CHRM2: variants seen among roughly 807,000 people sequenced by gnomAD.
CHRM2 encodes muscarinic acetylcholine receptor M2.
In CHRM2, 8 loss-of-function variants were observed where a neutral mutation model predicts 25.0. That is an observed-to-expected ratio of 0.32 (90% CI 0.19 to 0.58). The LOEUF is 0.58. Ranked by LOEUF, CHRM2 falls within the 20% of genes least tolerant of loss-of-function variation. The pLI, the probability that CHRM2 is intolerant of heterozygous loss-of-function variation, is 0.88. For synonymous variants in CHRM2, 202 were observed against 205.7 expected, an observed-to-expected ratio of 0.98 and a Z score of 0.15; for missense variants, 440 against 567.1, an observed-to-expected ratio of 0.78 and a Z score of 2.28.
intron 2 of CHRM2, among the ~76,000 whole-genome samples, chr7:136,933,715 TA>T: frequency 1.3e-5 from 2 of 152,182 alleles, no homozygotes; most frequent in Admixed American, 1.3e-4. Flanking sequence ...GATATTTCCA[TA>T]AAATGGAATA....
intron 2 of CHRM2, among the ~76,000 whole-genome samples, chr7:136,903,708 TTTTA>T (rs1193743139): frequency 6.6e-6 from 1 of 151,902 alleles, no homozygotes; most frequent in Non-Finnish European, 1.5e-5. Context: ...TATTTCTCAT[TTTTA>T]TTTATATCTT....
At chr7:137,009,403 T>A (rs1041960631) in intron 3 of CHRM2, among the ~76,000 whole-genome samples, 6 of 152,100 alleles carry the variant, frequency 3.9e-5, no homozygotes, top group Non-Finnish European at 5.9e-5. Flanking sequence ...TTAAGACAAT[T>A]TTTTGAATCT....
chr7:136,876,327 A>G (rs1796051628), intron 2 of CHRM2, among the ~76,000 whole-genome samples: 1 of 152,160 alleles, frequency 6.6e-6, no homozygotes, highest in Admixed American at 6.5e-5. Context: ...TGTTAGGGAT[A>G]CAGATGACGT....
At chr7:136,898,474 ACTATTC>A (rs1797021862) in intron 2 of CHRM2, among the ~76,000 whole-genome samples, 1 of 151,412 alleles carries the variant, frequency 6.6e-6, no homozygotes, top group Admixed American at 6.6e-5. Flanking sequence ...CTGTGAATTG[ACTATTC>A]AATTGCATGC....
intron 2 of CHRM2, among the ~76,000 whole-genome samples, chr7:136,923,532 C>CTTCTTAGAAAGAA (rs1441426276): frequency 1.3e-5 from 2 of 152,044 alleles, no homozygotes; most frequent in Non-Finnish European, 2.9e-5. Context: ...AGTTGAGTAG[C>CTTCTTAGAAAGAA]TTCTTAGAAA....
intron 2 of CHRM2, among the ~76,000 whole-genome samples, chr7:136,952,638 C>T (rs967320859): frequency 4.6e-5 from 7 of 151,894 alleles, no homozygotes; most frequent in Admixed American, 1.3e-4. Flanking sequence ...ACTTGTGTCA[C>T]GGGGGTTCAC....
intron 3 of CHRM2, among the ~76,000 whole-genome samples, chr7:137,008,360 A>G (rs1156759294): frequency 6.6e-6 from 1 of 152,052 alleles, no homozygotes; most frequent in Non-Finnish European, 1.5e-5. Context: ...AATAATTTGT[A>G]CTGAAAGCTA....
In CHRM2 at chr7:137,017,190, G is replaced by A. The variant is rs1257555924; in HGVS notation, c.*924G>A. The A allele has an allele frequency of 6.6e-6, 1 of 151,810 alleles. No homozygotes were observed. The highest frequency in any genetic ancestry group is 1.5e-5 in the Non-Finnish European group (1 of 67,902). 9.4% of individuals were successfully genotyped at this position (151,810 alleles called of 1,614,324 possible). ...ACATAAACCTGTTTAAGAAACCATC[G>A]TCACTGTAAAGTTGAGGTTTCATCA... On this transcript the variant is annotated 3_prime_UTR_variant, in exon 4 of 4. Transcript: ENST00000680005.
At chr7:136,872,663 C>T (rs1365261792) in intron 2 of CHRM2, among the ~76,000 whole-genome samples, 1 of 152,168 alleles carries the variant, frequency 6.6e-6, no homozygotes, top group African/African-American at 2.4e-5. Flanking sequence ...GCATGAATGA[C>T]ACTGTCTTCA....
At chr7:136,983,189 G>C (rs1197454725) in intron 2 of CHRM2, among the ~76,000 whole-genome samples, 1 of 151,528 alleles carries the variant, frequency 6.6e-6, no homozygotes, top group Non-Finnish European at 1.5e-5. Context: ...TTTTTATTAA[G>C]TTGATCTTCA....
intron 3 of CHRM2, among the ~76,000 whole-genome samples, chr7:136,998,241 A>T (rs1465262867): frequency 5.3e-5 from 8 of 152,180 alleles, no homozygotes. Flanking sequence ...TGCATGGATG[A>T]AGGGTCACAG....
At chr7:136,997,594 C>A (rs1803691149) in intron 3 of CHRM2, among the ~76,000 whole-genome samples, 1 of 152,148 alleles carries the variant, frequency 6.6e-6, no homozygotes, top group Non-Finnish European at 1.5e-5. Context: ...AAAGATACAG[C>A]ATCTTTGAGA....
chr7:136,909,944 A>T (rs1335662593), intron 2 of CHRM2, among the ~76,000 whole-genome samples: 3 of 151,772 alleles, frequency 2.0e-5, no homozygotes, highest in Non-Finnish European at 4.4e-5. Flanking sequence ...TATTGGTTGG[A>T]TACATTTTTC....
At chr7:136,900,716 T>A (rs1017118835) in intron 2 of CHRM2, among the ~76,000 whole-genome samples, 34 of 152,114 alleles carry the variant, frequency 2.2e-4, no homozygotes, top group East Asian at 3.9e-4. Flanking sequence ...ATCTTTTTTT[T>A]AAAAAAAGAA....
intron 2 of CHRM2, among the ~76,000 whole-genome samples, chr7:136,962,258 A>G (rs1316997795): frequency 6.8e-5 from 2 of 29,406 alleles, no homozygotes; most frequent in Non-Finnish European, 1.0e-4. Flanking sequence ...TCAGCCTCCC[A>G]AGTAGCTGGG....
intron 2 of CHRM2, among the ~76,000 whole-genome samples, chr7:136,984,895 T>A (rs769168841): frequency 1.3e-5 from 2 of 152,142 alleles, no homozygotes; most frequent in Non-Finnish European, 2.9e-5. Flanking sequence ...TATTCAGCTA[T>A]CTTGCTCAGG....
At chr7:136,886,342 G>A (rs758527372) in intron 2 of CHRM2, among the ~76,000 whole-genome samples, 5 of 152,198 alleles carry the variant, frequency 3.3e-5, no homozygotes. Flanking sequence ...TGGGTAAACA[G>A]TAGGCTCATT....
intron 2 of CHRM2, among the ~76,000 whole-genome samples, chr7:136,940,654 G>T (rs1454194451): frequency 6.6e-6 from 1 of 152,132 alleles, no homozygotes; most frequent in Non-Finnish European, 1.5e-5. Context: ...AGGTAAGTAG[G>T]ATGCATAAAA....
At chr7:136,921,091 T>C (rs1798402141) in intron 2 of CHRM2, among the ~76,000 whole-genome samples, 1 of 152,080 alleles carries the variant, frequency 6.6e-6, no homozygotes, top group Non-Finnish European at 1.5e-5. Flanking sequence ...TACACAGTGG[T>C]GGAAAACACC....
Sources: allele counts gnomAD v4.1 joint callset (sites outside exome capture counted in the v4.1 genomes callset), GRCh38; gene constraint gnomAD v4.1.1; transcripts MANE v1.5; gene names NCBI Gene and HGNC (gene_info 2026-07-23, HGNC 2026-07-21).